CDH13: variants seen among roughly 807,000 people sequenced by gnomAD.
The protein encoded by CDH13 is cadherin-13.
In CDH13, 24 loss-of-function variants were observed where a neutral mutation model predicts 63.8. The ratio of observed to expected loss-of-function variants is 0.38; its 90% confidence interval spans 0.27 to 0.53. CDH13 has a LOEUF of 0.53. Among genes scored for constraint, CDH13 ranks in the 20% least tolerant of loss-of-function variants. The probability of loss-of-function intolerance (pLI) is 0.85; values close to 1 mark genes in which losing one functional copy is unlikely to be tolerated. For missense variants in CDH13, 1,049 were observed against 903.1 expected, an observed-to-expected ratio of 1.16 and a Z score of -2.07; for synonymous variants, 503 against 355.3, an observed-to-expected ratio of 1.42 and a Z score of -4.67.
In CDH13 at chr16:83,450,773, G is replaced by A. The variant is rs577224854; in HGVS notation, c.782-35704G>A. On this transcript the variant is annotated intron_variant, in intron 6 of 13. Transcript: ENST00000567109. ...TAGTCCCAGCTCCTTGGGAAGCTGA[G>A]GCAGGAGAATGGCGTGAACCCGGGA... 1.6e-3 allele frequency among the ~76,000 whole-genome samples: 243 copies of A among 152,320 alleles called. 7 individuals are homozygous for A. The highest frequency in any genetic ancestry group is 0.01 in the Admixed American group (154 of 15,310).
At chr16:82,940,454 G>A (rs1171812813) in intron 2 of CDH13, among the ~76,000 whole-genome samples, 2 of 152,092 alleles carry the variant, frequency 1.3e-5, no homozygotes, top group African/African-American at 4.8e-5. Flanking sequence ...TGTTGCTGTT[G>A]TCCTTACTAA....
intron 4 of CDH13, among the ~76,000 whole-genome samples, chr16:83,209,039 C>T (rs1370222521): frequency 8.5e-5 from 13 of 152,104 alleles, no homozygotes; most frequent in African/African-American, 4.8e-5. Context: ...CTATCAACTC[C>T]AGTGGGGGTG....
chr16:83,588,638 C>T (rs1346751979), intron 7 of CDH13, among the ~76,000 whole-genome samples: 1 of 152,178 alleles, frequency 6.6e-6, no homozygotes, highest in African/African-American at 2.4e-5. Flanking sequence ...CATTGGAAAC[C>T]ACAGGCACCA....
At chr16:82,871,392 A>G (rs566897650) in intron 2 of CDH13, among the ~76,000 whole-genome samples, 3 of 152,256 alleles carry the variant, frequency 2.0e-5, no homozygotes, top group East Asian at 3.9e-4. Flanking sequence ...TGTATATCAG[A>G]GGAGAGATCA....
intron 11 of CDH13, among the ~76,000 whole-genome samples, chr16:83,749,402 A>G (rs1214386855): frequency 6.6e-6 from 1 of 152,184 alleles, no homozygotes; most frequent in East Asian, 1.9e-4. Context: ...TAGGATTCGG[A>G]TGAGTGGCAT....
intron 7 of CDH13, among the ~76,000 whole-genome samples, chr16:83,585,092 C>T (rs1046064344): frequency 6.6e-6 from 1 of 152,128 alleles, no homozygotes; most frequent in Non-Finnish European, 1.5e-5. Context: ...TCAGATGCTC[C>T]CGAGCCATGA....
intron 1 of CDH13, among the ~76,000 whole-genome samples, chr16:82,714,183 C>G (rs568589360): frequency 3.0e-4 from 46 of 152,294 alleles, no homozygotes; most frequent in African/African-American, 1.0e-3. Flanking sequence ...AAGGCAGCTT[C>G]TCTGCTCTTT....
chr16:83,145,248 G>T (rs948082619), intron 4 of CDH13, among the ~76,000 whole-genome samples: 1 of 152,186 alleles, frequency 6.6e-6, no homozygotes, highest in African/African-American at 2.4e-5. Flanking sequence ...CGGAGCAGGG[G>T]TGACACCAAC....
intron 2 of CDH13, among the ~76,000 whole-genome samples, chr16:82,888,510 C>T (rs2040969757): frequency 6.6e-6 from 1 of 152,202 alleles, no homozygotes; most frequent in African/African-American, 2.4e-5. Context: ...ACTTCTGCTC[C>T]CCCACAGCAT....
chr16:83,207,762 TAA>T (rs57095409), intron 4 of CDH13, among the ~76,000 whole-genome samples: 26 of 124,716 alleles, frequency 2.1e-4, no homozygotes, highest in Middle Eastern at 3.7e-3. Context: ...ATACTCTCCT[TAA>T]AAAAAAAAAA....
intron 1 of CDH13, among the ~76,000 whole-genome samples, chr16:82,735,211 C>T (rs1280930103): frequency 6.6e-6 from 1 of 152,216 alleles, no homozygotes; most frequent in Non-Finnish European, 1.5e-5. Flanking sequence ...GATTATCATC[C>T]ATGACAGTCT....
chr16:83,557,485 A>G (rs1014315999), intron 7 of CDH13, among the ~76,000 whole-genome samples: 1 of 152,174 alleles, frequency 6.6e-6, no homozygotes, highest in Non-Finnish European at 1.5e-5. Context: ...AGAACATGTT[A>G]CTGACATGTT....
At chr16:83,735,948 C>G (rs1039534202) in intron 10 of CDH13, 2 of 152,150 alleles carry the variant, frequency 1.3e-5, no homozygotes, top group African/African-American at 4.8e-5. Context: ...AGGGATAAAA[C>G]ACACTGAATG....
chr16:82,941,731 C>T (rs1904289922), intron 2 of CDH13, among the ~76,000 whole-genome samples: 2 of 152,078 alleles, frequency 1.3e-5, no homozygotes, highest in African/African-American at 2.4e-5. Context: ...TTTTTCCATC[C>T]CTGTTCCCAT....
chr16:83,155,340 G>A (rs1166512491), intron 4 of CDH13, among the ~76,000 whole-genome samples: 1 of 152,108 alleles, frequency 6.6e-6, no homozygotes, highest in Non-Finnish European at 1.5e-5. Flanking sequence ...TCCCTTAAAT[G>A]GCCCTTAAAT....
intron 4 of CDH13, among the ~76,000 whole-genome samples, chr16:83,129,188 G>A (rs1313856315): frequency 6.6e-6 from 1 of 152,156 alleles, no homozygotes; most frequent in Non-Finnish European, 1.5e-5. Context: ...AGAAGGGAAG[G>A]AAGACCACAG....
chr16:82,861,540 C>G (rs1245215943), intron 2 of CDH13, among the ~76,000 whole-genome samples: 1 of 152,184 alleles, frequency 6.6e-6, no homozygotes, highest in Admixed American at 6.5e-5. Flanking sequence ...TATCTTTGTT[C>G]AGACAGTAAT....
In CDH13 at chr16:83,047,335, G is replaced by A. The variant is rs59988275; in HGVS notation, c.366+15117G>A. 0.16 allele frequency among the ~76,000 whole-genome samples: 24,081 copies of A among 152,060 alleles called. 4,081 individuals carry two copies. Among genetic ancestry groups the A allele is most frequent in the African/African-American group, 0.42 (17,464 of 41,414 alleles). On this transcript the variant is annotated intron_variant, in intron 3 of 13. Coordinates refer to ENST00000567109, the MANE Select transcript of CDH13 (RefSeq NM_001257.5). The surrounding 1 kb of genome is among the most constrained non-coding windows in gnomAD (Gnocchi z 4.9). The stretch of plus-strand genomic sequence containing the variant: ...TTCTGTCCTTGCATTGTCCATTCTC[G>A]TAAACCGTGGTTAACACAGATAATT...
chr16:83,399,808 G>A (rs9937302), intron 6 of CDH13, among the ~76,000 whole-genome samples: 1,990 of 152,114 alleles, frequency 0.013, 45 homozygotes, highest in African/African-American at 0.046. Flanking sequence ...TTTACCCCCC[G>A]CCGCATTTAG....
Sources: allele counts gnomAD v4.1 joint callset (sites outside exome capture counted in the v4.1 genomes callset), GRCh38; gene constraint gnomAD v4.1.1; non-coding constraint Gnocchi (gnomAD v3.1); transcripts MANE v1.5; gene names NCBI Gene and HGNC (gene_info 2026-07-23, HGNC 2026-07-21).